The following DPYSL5 variants were observed in gnomAD, a reference collection of about 807,000 sequenced individuals.
DPYSL5 encodes the protein dihydropyrimidinase like 5, also known as dihydropyrimidinase-related protein 5.
DPYSL5 carries 9 observed loss-of-function variants against 58.4 expected under a neutral mutation model. The ratio of observed to expected loss-of-function variants is 0.15; its 90% CI spans 0.09 to 0.27. The LOEUF (loss-of-function observed/expected upper bound fraction) is 0.27. Among genes scored for constraint, DPYSL5 ranks in the 10% least tolerant of loss-of-function variants. The probability of loss-of-function intolerance (pLI) is 1.00; values close to 1 mark genes in which losing one functional copy is unlikely to be tolerated. For missense variants in DPYSL5, 499 were observed against 770.6 expected (o/e 0.65, Z 4.17); for synonymous variants, 293 against 301.9 (o/e 0.97, Z 0.31).
At chr2:26,853,549 A>C (rs1017245776) in intron 1 of DPYSL5, among the ~76,000 whole-genome samples, 2 of 152,176 alleles carry the variant, frequency 1.3e-5, no homozygotes, top group Non-Finnish European at 2.9e-5. Flanking sequence ...TTTGATTACC[A>C]TCTGTATCAG....
rs532695510 is a variant in DPYSL5, at chr2:26,849,870, C to G, written c.-5+1616C>G. Among the ~76,000 whole-genome samples, 22 of 152,322 alleles carry G rather than the reference C, an allele frequency of 1.4e-4. 1 individual carries two copies. The highest frequency in any genetic ancestry group is 2.6e-4 in the Admixed American group (4 of 15,310). On this transcript the variant is annotated intron_variant, in intron 1 of 12. Coordinates refer to ENST00000288699, the MANE Select transcript of DPYSL5 (RefSeq NM_020134.4). The surrounding 1 kb of genome is among the most constrained non-coding windows in gnomAD (Gnocchi z 6.2). ...GGGGGCCTGCAGACAGCCACCCCCC[C>G]ACTCCGGCTCGGGTGCCTTCTGGTG...
intron 1 of DPYSL5, among the ~76,000 whole-genome samples, chr2:26,878,091 A>T (rs1052918158): frequency 3.3e-5 from 5 of 152,218 alleles, no homozygotes; most frequent in Non-Finnish European, 7.3e-5. Flanking sequence ...AGATGTTCAG[A>T]TTTCCTTCTG....
intron 2 of DPYSL5, among the ~76,000 whole-genome samples, chr2:26,901,898 C>T (rs557615892): frequency 9.1e-4 from 139 of 152,106 alleles, no homozygotes; most frequent in African/African-American, 3.2e-3. Flanking sequence ...TACTTGACCT[C>T]CAGGGATTTC....
chr2:26,887,461 C>T (rs1019012072), intron 1 of DPYSL5, among the ~76,000 whole-genome samples: 1 of 152,156 alleles, frequency 6.6e-6, no homozygotes, highest in African/African-American at 2.4e-5. Flanking sequence ...CTGGGGAAGG[C>T]GATGACAGAA....
upstream of DPYSL5, chr2:26,848,001 C>T (rs1665637497): frequency 6.6e-6 from 1 of 152,098 alleles, no homozygotes; most frequent in African/African-American, 2.4e-5. Flanking sequence ...CCCCGCCTCC[C>T]CTTAACCTGC....
At chr2:26,943,441 T>G (rs558678843) in intron 11 of DPYSL5, among the ~76,000 whole-genome samples, 1 of 152,318 alleles carries the variant, frequency 6.6e-6, no homozygotes, top group Non-Finnish European at 1.5e-5. Flanking sequence ...TACTTTTTTG[T>G]GGAGATGGAC....
Position 26,849,971 on chromosome 2 carries a change from G to C in DPYSL5, c.-5+1717G>C, listed in dbSNP as rs1665709302. 6.6e-6 allele frequency among the ~76,000 whole-genome samples: 1 copy of C among 152,192 alleles called. No homozygotes were observed. Among genetic ancestry groups the C allele is most frequent in the South Asian group, 2.1e-4 (1 of 4,828 alleles). On this transcript the variant is annotated intron_variant, in intron 1 of 12. Coordinates refer to ENST00000288699, the MANE Select transcript of DPYSL5 (RefSeq NM_020134.4). This position sits in a 1 kb window ranked among gnomAD's most constrained non-coding sequence, Gnocchi z 6.2. ...GGTTAGCGGCGCGGAGCTGCCGGGCGGCGACGCAGGTGCCAAAGACTGGAG... is the reference window on the plus strand; with the variant it reads ...GGTTAGCGGCGCGGAGCTGCCGGGCCGCGACGCAGGTGCCAAAGACTGGAG...
intron 2 of DPYSL5, among the ~76,000 whole-genome samples, chr2:26,899,454 C>T (rs1157898323): frequency 2.0e-5 from 3 of 152,166 alleles, no homozygotes; most frequent in East Asian, 1.9e-4. Flanking sequence ...TGCTGTCATC[C>T]CTCTTCCTTG....
intron 1 of DPYSL5, among the ~76,000 whole-genome samples, chr2:26,873,706 G>A (rs1266744552): frequency 6.6e-6 from 1 of 152,172 alleles, no homozygotes; most frequent in East Asian, 1.9e-4. Flanking sequence ...TGTTTAAATG[G>A]TTGAACAAAT....
intron 2 of DPYSL5, among the ~76,000 whole-genome samples, chr2:26,920,091 A>G (rs1664666752): frequency 6.6e-6 from 1 of 152,210 alleles, no homozygotes; most frequent in African/African-American, 2.4e-5. Context: ...GCATAAAAAC[A>G]TAGATGAGAG....
chr2:26,851,111 G>A (rs1160260592), intron 1 of DPYSL5, among the ~76,000 whole-genome samples: 2 of 152,156 alleles, frequency 1.3e-5, no homozygotes, highest in African/African-American at 4.8e-5. Flanking sequence ...AAATCTGACA[G>A]TGAAGGTTTT....
chr2:26,852,594 C>CCTCCCTCCTCCCTCGT (rs1665783580), intron 1 of DPYSL5, among the ~76,000 whole-genome samples: 1 of 152,186 alleles, frequency 6.6e-6, no homozygotes, highest in Non-Finnish European at 1.5e-5. Context: ...TGTTCCCTCG[C>CCTCCCTCCTCCCTCGT]CTCCCTCCTC....
chr2:26,865,996 G>A (rs1328306183), intron 1 of DPYSL5, among the ~76,000 whole-genome samples: 1 of 152,196 alleles, frequency 6.6e-6, no homozygotes, highest in South Asian at 2.1e-4. Flanking sequence ...CACCCGGTGG[G>A]TGTTTGTCTG....
chr2:26,924,783 G>A lies in DPYSL5; in HGVS notation c.262-104G>A. On this transcript the variant is annotated intron_variant, in intron 2 of 12. Coordinates refer to ENST00000288699, the MANE Select transcript of DPYSL5 (RefSeq NM_020134.4). This position sits in a 1 kb window ranked among gnomAD's most constrained non-coding sequence, Gnocchi z 4.7. Reference sequence around the variant, plus strand: ...CCTTGGTCCTCACAGCCTCTTGTGAGGCAGGGCCTGTCTTTGAATGGACCA... The same window carrying A: ...CCTTGGTCCTCACAGCCTCTTGTGAAGCAGGGCCTGTCTTTGAATGGACCA... The A allele has an allele frequency of 6.9e-7, 1 of 1,449,712 alleles. No individual in the cohort carries two copies. Among genetic ancestry groups the A allele is most frequent in the East Asian group, 2.5e-5 (1 of 39,942 alleles). The allele number at this position is 1,449,712 out of a possible 1,614,324, so 89.8% of individuals were successfully genotyped here.
At chr2:26,932,153 A>C (rs959680838) in intron 6 of DPYSL5, among the ~76,000 whole-genome samples, 3 of 53,452 alleles carry the variant, frequency 5.6e-5, no homozygotes, top group Admixed American at 5.6e-4. Context: ...GAAAGAAAGA[A>C]AGAAAGAAAG....
intron 1 of DPYSL5, among the ~76,000 whole-genome samples, chr2:26,855,784 T>C (rs544917396): frequency 6.6e-6 from 1 of 152,270 alleles, no homozygotes; most frequent in South Asian, 2.1e-4. Context: ...GTCCTGTCCC[T>C]CCCTTTGTCC....
intron 2 of DPYSL5, among the ~76,000 whole-genome samples, chr2:26,913,742 A>C (rs997826657): frequency 6.6e-6 from 1 of 152,174 alleles, no homozygotes; most frequent in African/African-American, 2.4e-5. Flanking sequence ...TGATGACTTC[A>C]GTGAGAGTGA....
intron 1 of DPYSL5, among the ~76,000 whole-genome samples, chr2:26,864,841 T>A (rs13010712): frequency 0.4 from 60,074 of 151,826 alleles, 12,184 homozygotes; most frequent in Admixed American, 0.48. Flanking sequence ...AGCACATCCG[T>A]ACTCCCCTGT....
chr2:26,876,872 T>C (rs1205051518), intron 1 of DPYSL5, among the ~76,000 whole-genome samples: 2 of 151,686 alleles, frequency 1.3e-5, no homozygotes, highest in African/African-American at 2.4e-5. Flanking sequence ...AGCTTGCTAG[T>C]GGCTTTGCCT....
Sources: allele counts gnomAD v4.1 joint callset (sites outside exome capture counted in the v4.1 genomes callset), GRCh38; gene constraint gnomAD v4.1.1; non-coding constraint Gnocchi (gnomAD v3.1); transcripts MANE v1.5; gene names NCBI Gene and HGNC (gene_info 2026-07-23, HGNC 2026-07-21).